Variants in ERBB4 observed in about 807,000 individuals in gnomAD.
ERBB4 encodes erb-b2 receptor tyrosine kinase 4.
A neutral mutation model predicts 158.0 loss-of-function variants in ERBB4; 42 were observed. That is an observed-to-expected ratio of 0.27 (90% confidence interval 0.21 to 0.34). ERBB4 has a LOEUF of 0.34. Ranked by LOEUF, ERBB4 falls within the 10% of genes least tolerant of loss-of-function variation. The pLI is 1.00. For synonymous variants in ERBB4, 583 were observed against 558.7 expected (o/e 1.04, Z -0.61); for missense variants, 1,333 against 1,624.1 (o/e 0.82, Z 3.08).
intron 2 of ERBB4, among the ~76,000 whole-genome samples, chr2:212,057,039 A>G (rs2077599172): frequency 6.6e-6 from 1 of 152,204 alleles, no homozygotes; most frequent in Non-Finnish European, 1.5e-5. Flanking sequence ...GACCCATCTC[A>G]CGTGCAGAGA....
At chr2:212,278,879 T>C (rs142351760) in intron 1 of ERBB4, among the ~76,000 whole-genome samples, 5 of 151,796 alleles carry the variant, frequency 3.3e-5, no homozygotes, top group Admixed American at 2.6e-4. Context: ...AATTAATCAC[T>C]AATAACATTT....
intron 2 of ERBB4, among the ~76,000 whole-genome samples, chr2:212,002,983 C>T (rs935300740): frequency 4.6e-5 from 7 of 150,544 alleles, no homozygotes; most frequent in East Asian, 2.0e-4. Flanking sequence ...TGCTTGAACC[C>T]GGGAGGCGGA....
At chr2:212,092,819 G>T (rs951138685) in intron 2 of ERBB4, among the ~76,000 whole-genome samples, 1 of 152,158 alleles carries the variant, frequency 6.6e-6, no homozygotes, top group African/African-American at 2.4e-5. Flanking sequence ...CCTGTCAGGG[G>T]GCTAGGGGAG....
rs368679346 is a variant in ERBB4 at position 211,386,919 on chromosome 2, G to T, written c.3415C>A (p.Arg1139=). The part of the protein sequence containing the change: ...SADPTVFAPE[R]SPRGELDEEG... ...TCATCCAGCTCTCCTCGTGGGCTCC[G>T]TTCTGGGGCAAACACGGTGGGGTCA... Residue 1139 remains arginine (R), a synonymous_variant, in exon 27 of 28, where the codon CGG becomes AGG. Transcript: ENST00000342788. The T allele has an allele frequency of 1.9e-6, 3 of 1,614,164 alleles. No homozygotes were observed. Among genetic ancestry groups the T allele is most frequent in the Non-Finnish European group, 2.5e-6 (3 of 1,180,020 alleles).
chr2:211,766,633 T>C (rs1359318751), intron 4 of ERBB4, among the ~76,000 whole-genome samples: 1 of 152,226 alleles, frequency 6.6e-6, no homozygotes, highest in African/African-American at 2.4e-5. Flanking sequence ...CTTTCATTAG[T>C]AAACAAGGAT....
chr2:211,715,654 G>T (rs762752805), intron 7 of ERBB4, among the ~76,000 whole-genome samples: 4 of 152,064 alleles, frequency 2.6e-5, no homozygotes, highest in African/African-American at 9.7e-5. Flanking sequence ...ATGAGATCTG[G>T]TTGTTTACAA....
At chr2:211,770,752 G>A (rs1292203103) in intron 4 of ERBB4, among the ~76,000 whole-genome samples, 2 of 152,072 alleles carry the variant, frequency 1.3e-5, no homozygotes, top group African/African-American at 2.4e-5. Flanking sequence ...GGCTCTCAGA[G>A]GCCCCCAAAT....
intron 1 of ERBB4, among the ~76,000 whole-genome samples, chr2:212,300,297 G>A (rs1316939143): frequency 6.6e-6 from 1 of 151,506 alleles, no homozygotes; most frequent in Admixed American, 6.6e-5. Flanking sequence ...TTGTGTGTGT[G>A]ACCCATATTC....
chr2:212,109,919 TA>T (rs1456381548), intron 2 of ERBB4, among the ~76,000 whole-genome samples: 2 of 152,150 alleles, frequency 1.3e-5, no homozygotes, highest in African/African-American at 2.4e-5. Flanking sequence ...TCTTTAAAGT[TA>T]AATTTTGTTA....
intron 1 of ERBB4, among the ~76,000 whole-genome samples, chr2:212,462,354 A>C (rs1407714532): frequency 6.6e-6 from 1 of 152,232 alleles, no homozygotes; most frequent in Non-Finnish European, 1.5e-5. Flanking sequence ...CAAACTATTC[A>C]TCTGTCAGGG....
intron 3 of ERBB4, among the ~76,000 whole-genome samples, chr2:211,839,152 A>AAGGAGGAGGAGGAGGAGGAGGAGGAGG (rs71409858): frequency 9.0e-6 from 1 of 110,850 alleles, no homozygotes; most frequent in Admixed American, 9.9e-5. Flanking sequence ...GGAGAGAGAG[A>AAGGAGGAGGAGGAGGAGGAGGAGGAGG]AGGAGGAGGA....
chr2:211,999,383 T>A (rs1476874348), intron 2 of ERBB4, among the ~76,000 whole-genome samples: 2 of 151,860 alleles, frequency 1.3e-5, no homozygotes, highest in East Asian at 3.8e-4. Context: ...AACACAGTAG[T>A]GTGAATTCCC....
At chr2:211,474,748 G>A (rs1175586386) in intron 20 of ERBB4, among the ~76,000 whole-genome samples, 1 of 152,050 alleles carries the variant, frequency 6.6e-6, no homozygotes, top group Non-Finnish European at 1.5e-5. Flanking sequence ...CTCACAGGTA[G>A]GTTATAGGTA....
intron 5 of ERBB4, among the ~76,000 whole-genome samples, chr2:211,739,824 T>C (rs1423129978): frequency 6.6e-6 from 1 of 152,100 alleles, no homozygotes; most frequent in African/African-American, 2.4e-5. Context: ...AAAGAAAGCA[T>C]TGGTAATTGA....
chr2:211,519,058 C>A (rs1297734362), intron 20 of ERBB4, among the ~76,000 whole-genome samples: 1 of 152,008 alleles, frequency 6.6e-6, no homozygotes, highest in East Asian at 1.9e-4. Context: ...AAGACCCCTG[C>A]ATTTTCTCAC....
chr2:212,043,156 G>A (rs539216580), intron 2 of ERBB4, among the ~76,000 whole-genome samples: 72 of 152,242 alleles, frequency 4.7e-4, no homozygotes, highest in African/African-American at 1.7e-3. Context: ...CCTTTGACAC[G>A]ATATAGAAAA....
Position 211,382,133 on chromosome 2 carries a change from C to T in ERBB4, c.*1482G>A. 4.3e-6 allele frequency: 1 copy of T among 230,904 alleles called. No homozygotes were observed. Among genetic ancestry groups the T allele is most frequent in the Non-Finnish European group, 8.6e-6 (1 of 116,582 alleles). The allele number at this position is 230,904 out of a possible 1,614,324, so 14.3% of individuals were successfully genotyped here. On this transcript the variant is annotated 3_prime_UTR_variant, in exon 28 of 28. Coordinates refer to ENST00000342788, the MANE Select transcript of ERBB4 (RefSeq NM_005235.3). ...TATTTACAACTTTTGACCCAAGGAC[C>T]TATCCCTAAGCTTTGAATGTTTGTG...
intron 3 of ERBB4, among the ~76,000 whole-genome samples, chr2:211,901,116 G>T (rs2079223410): frequency 6.6e-6 from 1 of 152,108 alleles, no homozygotes; most frequent in Non-Finnish European, 1.5e-5. Context: ...AAATGATGAT[G>T]GTGAATGAGA....
At chr2:212,451,815 C>G (rs1403515877) in intron 1 of ERBB4, among the ~76,000 whole-genome samples, 1 of 152,104 alleles carries the variant, frequency 6.6e-6, no homozygotes, top group Non-Finnish European at 1.5e-5. Flanking sequence ...CTTAAGCATA[C>G]ATTCCTTTCA....
Sources: allele counts gnomAD v4.1 joint callset (sites outside exome capture counted in the v4.1 genomes callset), GRCh38; gene constraint gnomAD v4.1.1; transcripts MANE v1.5; gene names NCBI Gene and HGNC (gene_info 2026-07-23, HGNC 2026-07-21).